The following NEB variants were observed in gnomAD, a reference collection of about 807,000 sequenced individuals.
NEB encodes nemaline myopathy type 2.
In NEB, 512 loss-of-function variants were observed where a neutral mutation model predicts 952.2. The ratio of observed to expected loss-of-function variants is 0.54; its 90% CI spans 0.50 to 0.58. The LOEUF is 0.58. Among genes scored for constraint, NEB ranks in the 20% least tolerant of loss-of-function variants. NEB has a pLI of 0.00. For missense variants in NEB, 8,428 were observed against 9,231.1 expected, an observed-to-expected ratio of 0.91 and a Z score of 3.56; for synonymous variants, 2,900 against 3,149.8, an observed-to-expected ratio of 0.92 and a Z score of 2.66.
rs1055476485 is a variant in NEB at position 151,501,472 on chromosome 2, T to A, written c.23940A>T (p.Lys7980Asn). Residue 7980 changes from lysine to asparagine, a missense_variant, in exon 168 of 182, where the codon AAA (lysine) becomes AAT (asparagine). By Grantham distance (94) the Lys-to-Asn change is moderately conservative. Transcript: ENST00000397345. ...NQENFSSILYKENLSKGTPLP... is the reference protein window; with the variant it reads ...NQENFSSILYNENLSKGTPLP... Reference sequence around the variant, plus strand: ...GGGGAGTCCCCTTGCTCAAGTTCTCTTTGTACAATATCTGTGTGCACAAAA... The same window carrying A: ...GGGGAGTCCCCTTGCTCAAGTTCTCATTGTACAATATCTGTGTGCACAAAA... 2.0e-6 allele frequency: 3 copies of A among 1,517,648 alleles called. No individual in the cohort carries two copies. Among genetic ancestry groups the A allele is most frequent in the African/African-American group, 2.8e-5 (2 of 71,960 alleles). The allele number at this position is 1,517,648 out of a possible 1,614,324, so 94.0% of individuals were successfully genotyped here.
rs776849234 is a variant in NEB at position 151,606,685 on chromosome 2, G to A, written c.12668C>T (p.Ala4223Val). 8.4e-6 allele frequency: 8 copies of A among 947,888 alleles called. 1 individual carries two copies. The South Asian group carries it at 1.2e-4, about 14-fold the overall frequency. The allele number at this position is 947,888 out of a possible 1,614,324, so 58.7% of individuals were successfully genotyped here. A position where few individuals can be genotyped will look rare whatever the true frequency, so the allele number is the denominator to read the frequency against. Residue 4223 changes from alanine (A) to valine (V), a missense_variant, in exon 84 of 182, where the codon GCC becomes GTC. This residue lies in a region of NEB where 14 missense variants were observed against 46.4 expected (regional missense o/e 0.30). Transcript: ENST00000397345. ...CCTTATGTCATAGCCTTTCTGCTTG[G>A]CGTCATTCCAGTCTTTTTGGTAGAG... ...NKLYQKDWNDAKQKGYDIRAD... is the reference protein window; with the variant it reads ...NKLYQKDWNDVKQKGYDIRAD...
chr2:151,622,087 G>A (rs1376010864), intron 71 of NEB, among the ~76,000 whole-genome samples: 3 of 152,060 alleles, frequency 2.0e-5, no homozygotes, highest in Non-Finnish European at 4.4e-5. Flanking sequence ...TCGGCTCACT[G>A]CCTCCCAGGT....
chr2:151,734,310 TGG>T (rs2099816335), intron 1 of NEB, 86 bp downstream of exon 1: 1 of 152,210 alleles, frequency 6.6e-6, no homozygotes, highest in Non-Finnish European at 1.5e-5. Flanking sequence ...TCCTCAGTTA[TGG>T]CCCAAACCTT....
intron 37 of NEB, 51 bp downstream of exon 37, chr2:151,672,318 G>T: frequency 6.8e-7 from 1 of 1,470,178 alleles, no homozygotes; most frequent in Non-Finnish European, 9.2e-7. Flanking sequence ...AGCGAGAAGT[G>T]ATCATCCTTT....
chr2:151,724,978 C>T lies in NEB; in HGVS notation c.403-17G>A. On this transcript the variant is annotated splice_polypyrimidine_tract_variant and intron_variant, in intron 6 of 181. Transcript: ENST00000397345. The stretch of plus-strand genomic sequence containing the variant: ...ATACTTAACCTGCCCAAATAATGCA[C>T]AGTTAGAGTTCATGACAGGCATGTA... 6.3e-7 allele frequency: 1 copy of T among 1,589,738 alleles called. No individual in the cohort carries two copies. The highest frequency in any genetic ancestry group is 8.6e-7 in the Non-Finnish European group (1 of 1,158,506).
chr2:151,496,507 C>T (rs1235374872), intron 172 of NEB, 139 bp from the exon 173 acceptor site: 2 of 1,444,176 alleles, frequency 1.4e-6, no homozygotes, highest in Non-Finnish European at 1.9e-6. Context: ...GACAAAATGC[C>T]ACCAGCTACT....
At chr2:151,565,195 A>AT (rs1559992981) in intron 116 of NEB, 47 bp from the exon 117 acceptor site, 1 of 1,007,328 alleles carries the variant, frequency 9.9e-7, no homozygotes. Context: ...TGAATATTAA[A>AT]TTTTTATAAG....
chr2:151,664,201 T>G (rs2099181057), intron 44 of NEB, among the ~76,000 whole-genome samples: 1 of 152,250 alleles, frequency 6.6e-6, no homozygotes, highest in Non-Finnish European at 1.5e-5. Context: ...AGAGAGGGCC[T>G]GGCCATGGGC....
rs2099020117 is a variant in NEB, at chr2:151,650,623, T to A, written c.7178A>T (p.Asp2393Val). 6.2e-7 allele frequency: 1 copy of A among 1,608,760 alleles called. No individual in the cohort carries two copies. Among genetic ancestry groups the A allele is most frequent in the Non-Finnish European group, 8.5e-7 (1 of 1,176,846 alleles). Residue 2393 changes from aspartate to valine, a missense_variant, in exon 53 of 182, where the codon GAT (aspartate) becomes GTT (valine). This residue lies in a region of NEB where 1,772 missense variants were observed against 1,960.3 expected (regional missense o/e 0.90). Transcript: ENST00000397345. The part of the protein sequence containing the change: ...NYLHQWTCLP[D>V]QNDVVQAKKV... Reference sequence around the variant, plus strand: ...CTTAGCTTGCACAACATCGTTCTGATCAGGCAGACATGTCCACTGATGCAG... The same window carrying A: ...CTTAGCTTGCACAACATCGTTCTGAACAGGCAGACATGTCCACTGATGCAG...
chr2:151,720,657 TAGG>T (rs1376940080), intron 9 of NEB, among the ~76,000 whole-genome samples: 5 of 152,300 alleles, frequency 3.3e-5, no homozygotes, highest in African/African-American at 9.6e-5. Flanking sequence ...TGAAGGGAGA[TAGG>T]AGATTAACTG....
At chr2:151,549,781 TC>T in intron 129 of NEB, 41 bp from the exon 130 acceptor site, 1 of 1,192,552 alleles carries the variant, frequency 8.4e-7, no homozygotes, top group Non-Finnish European at 1.2e-6. Context: ...ACATCGGGCA[TC>T]AAGTAACTGA....
chr2:151,697,530 G>T lies in NEB; in HGVS notation c.1257+14C>A. ...TCTTTTTTTAACAGAAAGAGTGACA[G>T]TAGGATTGCTTACATCACTACTGAA... is the stretch of plus-strand genomic sequence containing the variant. On this transcript the variant is annotated intron_variant, in intron 14 of 181. Transcript: ENST00000397345. The T allele has an allele frequency of 6.2e-7, 1 of 1,608,846 alleles. No individual in the cohort carries two copies. The highest frequency in any genetic ancestry group is 8.5e-7 in the Non-Finnish European group (1 of 1,176,370).
chr2:151,687,220 T>C (rs907428047), intron 27 of NEB, among the ~76,000 whole-genome samples, 199 bp downstream of exon 27: 3 of 152,204 alleles, frequency 2.0e-5, no homozygotes, highest in Non-Finnish European at 2.9e-5. Context: ...GGACATCAAG[T>C]ACAAATCAGT....
intron 154 of NEB, 106 bp downstream of exon 154, chr2:151,519,552 T>G: frequency 1.2e-6 from 1 of 819,882 alleles, no homozygotes; most frequent in African/African-American, 1.7e-5. Flanking sequence ...GTGACAGTAG[T>G]TGGATAATAT....
At position 151,656,324 on chromosome 2, in the gene NEB, G is replaced by C; in HGVS notation, c.6324C>G (p.Asn2108Lys). Residue 2108 changes from asparagine (N) to lysine (K), a missense_variant, in exon 49 of 182, where the codon AAC becomes AAG. Around this residue, in one of 11 missense-constraint regions of NEB, gnomAD observed 2,851 missense variants for 2,791.5 expected, o/e 1.02. Transcript: ENST00000397345. ...CAGGGGTGTGGTAGCTGGTCTTTGT[G>C]TTCTCATAGTTTTTCTTGTACTCCC... Reference protein sequence around the residue: ...SDREYKKNYENTKTSYHTPAD... With the variant: ...SDREYKKNYEKTKTSYHTPAD... 6.2e-7 allele frequency: 1 copy of C among 1,613,602 alleles called. No individual in the cohort carries two copies. Among genetic ancestry groups the C allele is most frequent in the Non-Finnish European group, 8.5e-7 (1 of 1,179,702 alleles).
intron 39 of NEB, 98 bp downstream of exon 39, chr2:151,668,929 A>G: frequency 1.1e-6 from 1 of 885,400 alleles, no homozygotes; most frequent in East Asian, 2.7e-5. Flanking sequence ...CAGGGTCCAC[A>G]CTGAATTGCG....
At chr2:151,502,982 G>T in intron 166 of NEB, 97 bp from the exon 167 acceptor site, 1 of 697,688 alleles carries the variant, frequency 1.4e-6, no homozygotes, top group Non-Finnish European at 2.4e-6. Flanking sequence ...TGAGGAGGCA[G>T]TTTTTTAGTA....
At chr2:151,518,087 T>C (rs1246729737) in intron 156 of NEB, among the ~76,000 whole-genome samples, 3 of 152,194 alleles carry the variant, frequency 2.0e-5, no homozygotes, top group Non-Finnish European at 4.4e-5. Flanking sequence ...ACACACTCTT[T>C]ATGCTTCCAG....
intron 181 of NEB, chr2:151,486,803 C>T (rs529015239): frequency 6.6e-6 from 1 of 152,032 alleles, no homozygotes; most frequent in Non-Finnish European, 1.5e-5. Flanking sequence ...CTTAGGTAGC[C>T]AAATAATATA....
Sources: allele counts gnomAD v4.1 joint callset (sites outside exome capture counted in the v4.1 genomes callset), GRCh38; gene constraint gnomAD v4.1.1; regional missense constraint gnomAD v4.1.1; transcripts MANE v1.5; gene names NCBI Gene and HGNC (gene_info 2026-07-23, HGNC 2026-07-21).